The following INSYN2B variants were observed in gnomAD, a reference collection of about 807,000 sequenced individuals.
INSYN2B encodes the protein protein INSYN2B.
Under a neutral mutation model 41.2 loss-of-function variants are expected in INSYN2B, and 16 were observed. The ratio of observed to expected loss-of-function variants is 0.39; its 90% CI spans 0.26 to 0.59. INSYN2B has a LOEUF of 0.59. Ranked by LOEUF, INSYN2B falls within the 20% of genes least tolerant of loss-of-function variation. INSYN2B has a pLI of 0.57. For missense variants in INSYN2B, 608 were observed against 646.4 expected (o/e 0.94, Z 0.64); for synonymous variants, 245 against 244.4 (o/e 1.00, Z -0.02).
At chr5:169,885,046 G>T (rs181346015) in intron 1 of INSYN2B, among the ~76,000 whole-genome samples, 3 of 152,212 alleles carry the variant, frequency 2.0e-5, no homozygotes, top group Admixed American at 2.0e-4. Context: ...TTTCTGCACA[G>T]CACTCAGCCA....
chr5:169,901,874 C>A (rs1773945145), intron 1 of INSYN2B, among the ~76,000 whole-genome samples: 1 of 152,166 alleles, frequency 6.6e-6, no homozygotes, highest in African/African-American at 2.4e-5. Context: ...GAAGAAGCTA[C>A]CCCTTCCTCT....
chr5:169,956,358 A>T (rs535385853), intron 1 of INSYN2B, among the ~76,000 whole-genome samples: 25 of 152,344 alleles, frequency 1.6e-4, no homozygotes, highest in Middle Eastern at 6.8e-3. Flanking sequence ...GATACTACTA[A>T]CTTAAGAGGC....
intron 1 of INSYN2B, among the ~76,000 whole-genome samples, chr5:169,972,493 C>A (rs202105169): frequency 2.0e-5 from 3 of 151,220 alleles, no homozygotes; most frequent in African/African-American, 7.3e-5. Flanking sequence ...TATTTCAAGG[C>A]AATGCCCTTT....
At chr5:169,935,851 AAAT>A in intron 1 of INSYN2B, among the ~76,000 whole-genome samples, 1 of 152,354 alleles carries the variant, frequency 6.6e-6, no homozygotes, top group Middle Eastern at 3.4e-3. Context: ...TCCTACAGAT[AAAT>A]AATAATTAGG....
At chr5:169,943,137 A>T (rs1378655429) in intron 1 of INSYN2B, among the ~76,000 whole-genome samples, 2 of 152,214 alleles carry the variant, frequency 1.3e-5, no homozygotes, top group Non-Finnish European at 2.9e-5. Context: ...CCCCACACCC[A>T]GGCCATCAAT....
chr5:169,903,548 G>A (rs565334215), intron 1 of INSYN2B, among the ~76,000 whole-genome samples: 5 of 151,762 alleles, frequency 3.3e-5, no homozygotes, highest in Admixed American at 6.6e-5. Flanking sequence ...GGGGGCGTTC[G>A]GGTGGGCACA....
At chr5:169,909,671 C>A (rs1039146601) in intron 1 of INSYN2B, among the ~76,000 whole-genome samples, 2 of 152,156 alleles carry the variant, frequency 1.3e-5, no homozygotes, top group African/African-American at 4.8e-5. Context: ...CCCTCTAAAC[C>A]TATAATACAT....
At chr5:169,971,188 C>CAAAA (rs34023676) in intron 1 of INSYN2B, among the ~76,000 whole-genome samples, 35,500 of 143,374 alleles carry the variant, frequency 0.25, 4,396 homozygotes, top group Admixed American at 0.31. Context: ...GAAAGAAAGG[C>CAAAA]AAAAAAAAAA....
At chr5:169,946,656 C>T (rs1022966985) in intron 1 of INSYN2B, among the ~76,000 whole-genome samples, 3 of 152,180 alleles carry the variant, frequency 2.0e-5, no homozygotes, top group African/African-American at 7.2e-5. Flanking sequence ...ATAAGATAGG[C>T]CAGTTCCTAG....
intron 1 of INSYN2B, among the ~76,000 whole-genome samples, chr5:169,925,356 C>T (rs1022043636): frequency 2.0e-5 from 3 of 152,170 alleles, no homozygotes; most frequent in African/African-American, 7.2e-5. Context: ...CTGAGGTGGG[C>T]AGATCACAAG....
chr5:169,964,060 T>A (rs1251543164), intron 1 of INSYN2B, among the ~76,000 whole-genome samples: 2 of 152,006 alleles, frequency 1.3e-5, no homozygotes, highest in Non-Finnish European at 2.9e-5. Flanking sequence ...TAAAGAAAGG[T>A]TGAGGTACAA....
At chr5:169,940,808 C>T (rs1257796922) in intron 1 of INSYN2B, among the ~76,000 whole-genome samples, 1 of 152,240 alleles carries the variant, frequency 6.6e-6, no homozygotes, top group African/African-American at 2.4e-5. Flanking sequence ...CACTCACTTC[C>T]TGCTGTGCAG....
rs145002054 is a variant in INSYN2B at position 169,883,602 on chromosome 5, A to C, written c.297T>G (p.Thr99=). Residue 99 remains threonine (T), a synonymous_variant, in exon 2 of 4, where the codon ACT becomes ACG. Coordinates refer to ENST00000377365, the MANE Select transcript of INSYN2B (RefSeq NM_001129891.3). The part of the protein sequence containing the change: ...AGGFRNIAIQ[T]SPSLRKHFPV... ...GGAAATGCTTCCTGAGACTGGGGGA[A>C]GTTTGGATTGCAATGTTGCGAAAGC... The C allele has an allele frequency of 1.3e-6, 2 of 1,551,580 alleles. No homozygotes were observed. Among genetic ancestry groups the C allele is most frequent in the Non-Finnish European group, 1.7e-6 (2 of 1,146,934 alleles).
intron 1 of INSYN2B, among the ~76,000 whole-genome samples, chr5:169,977,236 T>C (rs1166139957): frequency 1.3e-5 from 2 of 152,228 alleles, no homozygotes; most frequent in Non-Finnish European, 2.9e-5. Context: ...TGGCATGTTG[T>C]TAACCAAAAG....
intron 1 of INSYN2B, among the ~76,000 whole-genome samples, chr5:169,898,425 G>A (rs530082966): frequency 6.6e-6 from 1 of 152,286 alleles, no homozygotes; most frequent in South Asian, 2.1e-4. Context: ...TCATTTACTA[G>A]CTCTGTGACC....
At chr5:169,864,540 A>C in intron 3 of INSYN2B, 81 bp from the exon 4 acceptor site, 1 of 1,072,694 alleles carries the variant, frequency 9.3e-7, no homozygotes. Flanking sequence ...CCCAACTAAT[A>C]TGGAAGAGCA....
chr5:169,891,491 T>G (rs922414238), intron 1 of INSYN2B, among the ~76,000 whole-genome samples: 2 of 152,168 alleles, frequency 1.3e-5, no homozygotes, highest in Non-Finnish European at 2.9e-5. Flanking sequence ...CCCTTAGCAG[T>G]AAAATCAGCT....
chr5:169,872,511 A>G (rs568544172), intron 3 of INSYN2B, among the ~76,000 whole-genome samples: 1 of 152,288 alleles, frequency 6.6e-6, no homozygotes, highest in South Asian at 2.1e-4. Flanking sequence ...CCCTTCTCCT[A>G]GGGCATCTAT....
chr5:169,892,009 A>G (rs977712050), intron 1 of INSYN2B, among the ~76,000 whole-genome samples: 2 of 151,786 alleles, frequency 1.3e-5, no homozygotes, highest in Admixed American at 6.6e-5. Context: ...AAAAAAAAAA[A>G]AAAGAAAAAG....
Sources: allele counts gnomAD v4.1 joint callset (sites outside exome capture counted in the v4.1 genomes callset), GRCh38; gene constraint gnomAD v4.1.1; transcripts MANE v1.5; gene names NCBI Gene and HGNC (gene_info 2026-07-23, HGNC 2026-07-21).